Variants in ADAMTS7 observed in about 807,000 individuals in gnomAD.
The protein encoded by ADAMTS7 is ADAM metallopeptidase with thrombospondin type 1 motif 7, also known as A disintegrin and metalloproteinase with thrombospondin motifs 7.
In ADAMTS7, 89 loss-of-function variants were observed where a neutral mutation model predicts 172.6. The ratio of observed to expected loss-of-function variants is 0.52; its 90% CI spans 0.43 to 0.61. ADAMTS7 has a LOEUF of 0.61. Among genes scored for constraint, ADAMTS7 ranks in the 20% least tolerant of loss-of-function variants. The pLI is 0.00. For missense variants in ADAMTS7, 1,973 were observed against 2,355.6 expected (o/e 0.84, Z 3.36); for synonymous variants, 885 against 978.4 (o/e 0.90, Z 1.78).
intron 8 of ADAMTS7, among the ~76,000 whole-genome samples, chr15:78,783,130 A>C (rs1219905927): frequency 2.0e-4 from 31 of 152,186 alleles, no homozygotes; most frequent in Admixed American, 1.5e-3. Flanking sequence ...CAGATACTGA[A>C]ATTAGAGGAT....
intron 4 of ADAMTS7, among the ~76,000 whole-genome samples, chr15:78,796,342 C>T (rs1332642846): frequency 6.6e-6 from 1 of 152,120 alleles, no homozygotes; most frequent in Non-Finnish European, 1.5e-5. Flanking sequence ...ACTCCTGCTC[C>T]CCCTCCTAGT....
intron 22 of ADAMTS7, among the ~76,000 whole-genome samples, chr15:78,762,988 G>A (rs2055073568): frequency 6.6e-6 from 1 of 152,214 alleles, no homozygotes; most frequent in Admixed American, 6.5e-5. Context: ...GCAGGAGACA[G>A]TTTCACAGCC....
intron 4 of ADAMTS7, among the ~76,000 whole-genome samples, chr15:78,795,567 G>A (rs2055631977): frequency 6.6e-6 from 1 of 152,156 alleles, no homozygotes; most frequent in South Asian, 2.1e-4. Flanking sequence ...CTTCCTTTAG[G>A]GTTGCAGGAG....
At chr15:78,803,827 A>T (rs939469007) in intron 1 of ADAMTS7, among the ~76,000 whole-genome samples, 2 of 152,266 alleles carry the variant, frequency 1.3e-5, no homozygotes, top group African/African-American at 4.8e-5. Context: ...ATGAGATAGA[A>T]AAATATTTGG....
chr15:78,771,865 G>A lies in ADAMTS7; in HGVS notation c.2132-36C>T. 2 of 1,590,982 alleles carry A rather than the reference G, an allele frequency of 1.3e-6. No homozygotes were observed. Among genetic ancestry groups the A allele is most frequent in the Non-Finnish European group, 1.7e-6 (2 of 1,171,576 alleles). Reference sequence around the variant, plus strand: ...AGGGTTGTGCATAGGTTGTGCCCAGGGTGAGAGGGTTGCTTATCCCCACCC... The same window carrying A: ...AGGGTTGTGCATAGGTTGTGCCCAGAGTGAGAGGGTTGCTTATCCCCACCC... On this transcript the variant is annotated intron_variant, in intron 14 of 23. Transcript: ENST00000388820. This position sits in a 1 kb window ranked among gnomAD's most constrained non-coding sequence, Gnocchi z 4.9.
chr15:78,768,363 G>C lies in ADAMTS7; in HGVS notation c.2519-104C>G. 6.6e-6 allele frequency: 10 copies of C among 1,514,602 alleles called. No individual in the cohort carries two copies. In the South Asian group the frequency reaches 1.2e-4, roughly 18 times the overall value. The allele number at this position is 1,514,602 out of a possible 1,614,324, so 93.8% of individuals were successfully genotyped here. ...AACCCTCCCAGAACAGCGCCTTACTGCCCGTGTCAGGATGCCTTACTGCCC... is the reference window on the plus strand; with the variant it reads ...AACCCTCCCAGAACAGCGCCTTACTCCCCGTGTCAGGATGCCTTACTGCCC... On this transcript the variant is annotated intron_variant, in intron 16 of 23. Transcript: ENST00000388820.
chr15:78,761,758 G>A (rs1251876840), intron 23 of ADAMTS7, among the ~76,000 whole-genome samples: 1 of 152,106 alleles, frequency 6.6e-6, no homozygotes, highest in Non-Finnish European at 1.5e-5. Context: ...GTGTGTGTGT[G>A]TGCGCGCACG....
At chr15:78,778,525 C>A (rs1345911520) in intron 8 of ADAMTS7, among the ~76,000 whole-genome samples, 1 of 152,202 alleles carries the variant, frequency 6.6e-6, no homozygotes, top group African/African-American at 2.4e-5. Flanking sequence ...TCATTGCTGT[C>A]CTGGAGGAAC....
At chr15:78,797,697 G>A (rs2055664388) in intron 3 of ADAMTS7, among the ~76,000 whole-genome samples, 2 of 152,208 alleles carry the variant, frequency 1.3e-5, no homozygotes, top group African/African-American at 4.8e-5. Context: ...GAGCCCCAAC[G>A]TGGGAGAAGT....
chr15:78,770,921 G>A, intron 16 of ADAMTS7: 3 of 562,082 alleles, frequency 5.3e-6, no homozygotes, highest in South Asian at 4.6e-5. Flanking sequence ...AGAACGCCAA[G>A]AGCTGGAGCA....
intron 4 of ADAMTS7, among the ~76,000 whole-genome samples, chr15:78,794,421 C>T (rs1396787904): frequency 1.3e-5 from 2 of 152,238 alleles, no homozygotes; most frequent in African/African-American, 4.8e-5. Context: ...CATGTCCCTG[C>T]CATCCCTGCA....
At chr15:78,779,566 G>A (rs547343348) in intron 8 of ADAMTS7, among the ~76,000 whole-genome samples, 13 of 152,310 alleles carry the variant, frequency 8.5e-5, no homozygotes, top group Admixed American at 1.3e-4. Context: ...AGAAAGGAGT[G>A]TCCCAAGTGC....
At chr15:78,809,634 T>A (rs1191001967) in intron 1 of ADAMTS7, among the ~76,000 whole-genome samples, 1 of 152,130 alleles carries the variant, frequency 6.6e-6, no homozygotes, top group African/African-American at 2.4e-5. Flanking sequence ...TCCCACGAGG[T>A]TGACCGCACC....
In ADAMTS7 at chr15:78,800,465, C is replaced by A; in HGVS notation, c.183G>T (p.Glu61Asp). 1 of 1,610,936 alleles carries A rather than the reference C, an allele frequency of 6.2e-7. No individual in the cohort carries two copies. ...VDAGGSFLSY[E>D]LWPRALRKRD... is the part of the protein sequence containing the mutation. ...GCTTGCGCAGTGCGCGGGGCCACAG[C>A]TCGTAGGACAGGAAGGAGCCCCCCG... Residue 61 changes from glutamate to aspartate, a missense_variant, in exon 2 of 24, where the codon GAG becomes GAT. This residue lies in a region of ADAMTS7 where 306 missense variants were observed against 288.0 expected (regional missense o/e 1.06). Coordinates refer to ENST00000388820, the MANE Select transcript of ADAMTS7 (RefSeq NM_014272.5).
intron 8 of ADAMTS7, among the ~76,000 whole-genome samples, chr15:78,787,101 T>TA (rs2055512085): frequency 6.6e-6 from 1 of 152,152 alleles, no homozygotes; most frequent in African/African-American, 2.4e-5. Flanking sequence ...TGTTAACTGT[T>TA]TATGTTATCA....
chr15:78,800,289 TGC>T lies in ADAMTS7; in HGVS notation c.357_358del (p.Ile121ProfsTer17). ...GCAGGCCGGGGTGTGGGCCCGGATG[TGC>T]GCGCGGCCCAGGCCGCCGCGCCGCC... On this transcript the variant is annotated frameshift_variant, in exon 2 of 24. Transcript: ENST00000388820. LOFTEE classifies it high-confidence loss of function. 6.3e-7 allele frequency: 1 copy of T among 1,591,940 alleles called. No homozygotes were observed. Among genetic ancestry groups the T allele is most frequent in the East Asian group, 2.2e-5 (1 of 44,500 alleles).
intron 23 of ADAMTS7, among the ~76,000 whole-genome samples, chr15:78,760,794 C>A (rs536905307): frequency 2.0e-5 from 3 of 152,298 alleles, no homozygotes; most frequent in African/African-American, 7.2e-5. Context: ...GAAAACTCCT[C>A]ACTTAGGACA....
intron 17 of ADAMTS7, among the ~76,000 whole-genome samples, chr15:78,767,914 G>A (rs1037603146): frequency 2.1e-4 from 32 of 151,258 alleles, no homozygotes; most frequent in African/African-American, 7.3e-4. Flanking sequence ...AGGGGTAACC[G>A]GGGGTTGGGG....
At chr15:78,807,961 C>T (rs1182304743) in intron 1 of ADAMTS7, among the ~76,000 whole-genome samples, 1 of 151,350 alleles carries the variant, frequency 6.6e-6, no homozygotes, top group Non-Finnish European at 1.5e-5. Flanking sequence ...CTCATGCAAT[C>T]CTCCCACCTC....
Sources: gnomAD v4.1 joint callset for allele counts (sites outside exome capture counted in the v4.1 genomes callset) on GRCh38, gnomAD v4.1.1 for gene constraint, gnomAD v4.1.1 regional missense constraint, Gnocchi (gnomAD v3.1) non-coding constraint, MANE v1.5 for transcripts, NCBI Gene and HGNC (gene_info 2026-07-23, HGNC 2026-07-21) for gene names.